Variants in SLC9A2 observed in about 807,000 individuals in gnomAD.
The protein encoded by SLC9A2 is solute carrier family 9 member A2.
A neutral mutation model predicts 71.7 loss-of-function variants in SLC9A2; 42 were observed. The ratio of observed to expected loss-of-function variants is 0.59; its 90% CI spans 0.46 to 0.76. The LOEUF (loss-of-function observed/expected upper bound fraction) is 0.76, where lower values mean the gene tolerates loss of function less well. Among genes scored for constraint, SLC9A2 ranks in the 30% least tolerant of loss-of-function variants. The pLI, the probability that SLC9A2 is intolerant of heterozygous loss-of-function variation, is 0.00. For missense variants in SLC9A2, 829 were observed against 1,017.4 expected, an observed-to-expected ratio of 0.81 and a Z score of 2.52; for synonymous variants, 396 against 392.5, an observed-to-expected ratio of 1.01 and a Z score of -0.10.
At chr2:102,694,365 T>G (rs776409138) in intron 5 of SLC9A2, 49 bp from the exon 6 acceptor site, 3 of 704,542 alleles carry the variant, frequency 4.3e-6, no homozygotes, top group Non-Finnish European at 6.3e-6. Flanking sequence ...AAACAATTTA[T>G]AAATTGTATA....
chr2:102,637,739 C>T (rs2192668), intron 1 of SLC9A2, among the ~76,000 whole-genome samples: 2,343 of 152,260 alleles, frequency 0.015, 71 homozygotes, highest in African/African-American at 0.052. Flanking sequence ...ACCCCTGGCC[C>T]GTGAGGAGAT....
At chr2:102,700,065 A>G (rs988424539) in intron 7 of SLC9A2, among the ~76,000 whole-genome samples, 4 of 152,172 alleles carry the variant, frequency 2.6e-5, no homozygotes, top group African/African-American at 9.7e-5. Context: ...AGCCCATAAC[A>G]TAGAACATGA....
intron 1 of SLC9A2, among the ~76,000 whole-genome samples, chr2:102,641,276 G>A (rs771378385): frequency 2.6e-5 from 4 of 152,100 alleles, no homozygotes; most frequent in Admixed American, 6.5e-5. Flanking sequence ...CAAACGCTCT[G>A]TAAACGTCTC....
chr2:102,678,612 G>T (rs752080170), intron 3 of SLC9A2, among the ~76,000 whole-genome samples: 3 of 152,200 alleles, frequency 2.0e-5, no homozygotes, highest in African/African-American at 4.8e-5. Flanking sequence ...GATGGAGGAA[G>T]AAATCTTATC....
chr2:102,643,418 T>C (rs1247818719), intron 1 of SLC9A2, among the ~76,000 whole-genome samples: 1 of 152,156 alleles, frequency 6.6e-6, no homozygotes, highest in Admixed American at 6.5e-5. Context: ...AGTTATTGTG[T>C]AAAACTTCTG....
intron 1 of SLC9A2, among the ~76,000 whole-genome samples, chr2:102,644,577 G>A (rs181318675): frequency 2.0e-5 from 3 of 152,290 alleles, no homozygotes; most frequent in Admixed American, 6.5e-5. Context: ...TGAAATTCTT[G>A]CTGCCAGCAC....
intron 3 of SLC9A2, among the ~76,000 whole-genome samples, chr2:102,667,197 A>G (rs1388687868): frequency 6.6e-6 from 1 of 152,184 alleles, no homozygotes; most frequent in Non-Finnish European, 1.5e-5. Flanking sequence ...TCTGGTTGCT[A>G]TTCATATCAT....
rs1366078659 is a variant in SLC9A2, at chr2:102,619,664, G to C, written c.-185G>C. The C allele has an allele frequency of 2.1e-6, 1 of 482,228 alleles. No individual in the cohort carries two copies. Among genetic ancestry groups the C allele is most frequent in the African/African-American group, 2.0e-5 (1 of 49,136 alleles). 29.9% of individuals were successfully genotyped at this position (482,228 alleles called of 1,614,324 possible). On this transcript the variant is annotated 5_prime_UTR_variant, in exon 1 of 12. Coordinates refer to ENST00000233969, the MANE Select transcript of SLC9A2 (RefSeq NM_003048.6). The surrounding 1 kb of genome is among the most constrained non-coding windows in gnomAD (Gnocchi z 4.3). Reference sequence around the variant, plus strand: ...CCCTGCACGTGCCTCGCCAGGCAGTGCGCCTGCTCGCAGCGAGGACCTAGC... The same window carrying C: ...CCCTGCACGTGCCTCGCCAGGCAGTCCGCCTGCTCGCAGCGAGGACCTAGC...
chr2:102,622,225 G>C (rs1676153856), intron 1 of SLC9A2, among the ~76,000 whole-genome samples: 1 of 152,188 alleles, frequency 6.6e-6, no homozygotes, highest in African/African-American at 2.4e-5. Flanking sequence ...CCTGTAGGGA[G>C]TGGCGGTATT....
At chr2:102,703,242 C>G (rs1373662458) in intron 9 of SLC9A2, among the ~76,000 whole-genome samples, 3 of 152,162 alleles carry the variant, frequency 2.0e-5, no homozygotes, top group African/African-American at 7.2e-5. Flanking sequence ...TAAAATGAAA[C>G]AAAACATTAG....
chr2:102,620,012 T>C lies in SLC9A2; in HGVS notation c.164T>C (p.Val55Ala). Residue 55 changes from valine to alanine, a missense_variant, in exon 1 of 12, where the codon GTG (valine) becomes GCG (alanine). This residue lies in a region of SLC9A2 where 106 missense variants were observed against 93.5 expected (regional missense o/e 1.13). Coordinates refer to ENST00000233969, the MANE Select transcript of SLC9A2 (RefSeq NM_003048.6). ...TSSSPPSPAS[V>A]VAPGTTLFEE... The stretch of plus-strand genomic sequence containing the variant: ...TCCAGCCCGCCTAGCCCTGCGAGCG[T>C]GGTGGCTCCCGGAACGACGCTGTTC... 1.2e-6 allele frequency: 2 copies of C among 1,614,024 alleles called. No individual in the cohort carries two copies. The highest frequency in any genetic ancestry group is 1.1e-5 in the South Asian group (1 of 91,058).
At chr2:102,676,234 C>A (rs6731896) in intron 3 of SLC9A2, among the ~76,000 whole-genome samples, 100,624 of 152,008 alleles carry the variant, frequency 0.66, 34,047 homozygotes, top group East Asian at 0.86. Flanking sequence ...GGAAAACCTT[C>A]ATTCCATCAT....
At chr2:102,637,036 G>A (rs1676480519) in intron 1 of SLC9A2, among the ~76,000 whole-genome samples, 1 of 152,196 alleles carries the variant, frequency 6.6e-6, no homozygotes, top group African/African-American at 2.4e-5. Flanking sequence ...AAGAAAAAGT[G>A]GAGGGCTTAG....
chr2:102,708,737 GA>G lies in SLC9A2; in HGVS notation c.*254del, dbSNP rs1174467605. 2 of 420,796 alleles carry G rather than the reference GA, an allele frequency of 4.8e-6. No individual in the cohort carries two copies. The highest frequency in any genetic ancestry group is 7.8e-5 in the East Asian group (2 of 25,792). The allele number at this position is 420,796 out of a possible 1,614,324, so 26.1% of individuals were successfully genotyped here. On this transcript the variant is annotated 3_prime_UTR_variant, in exon 12 of 12. Transcript: ENST00000233969. ...ATCGTATTATTTGCTGGCCTGAAGA[GA>G]AAAAATGGTAATGTGTGCCTTTATT...
chr2:102,648,144 A>G (rs1258609234), intron 1 of SLC9A2, among the ~76,000 whole-genome samples: 1 of 152,188 alleles, frequency 6.6e-6, no homozygotes, highest in African/African-American at 2.4e-5. Context: ...CTTATCCACC[A>G]CAATCAAGTT....
rs10687841 is a variant in SLC9A2 at position 102,670,849 on chromosome 2, C to CTTTTTT, written c.1004+5515_1004+5520dup. Reference sequence around the variant, plus strand: ...TTTGAGAAAAAAATAGGAAGGCATGCTTTTTTTTTTTTTTTTTTTTTGCCT... The same window carrying CTTTTTT: ...TTTGAGAAAAAAATAGGAAGGCATGCTTTTTTTTTTTTTTTTTTTTTTTTTTTGCCT... On this transcript the variant is annotated intron_variant, in intron 3 of 11. Coordinates refer to ENST00000233969, the MANE Select transcript of SLC9A2 (RefSeq NM_003048.6). Among the ~76,000 whole-genome samples the CTTTTTT allele has an allele frequency of 2.8e-3, 215 of 75,828 alleles. 4 individuals carry two copies. The highest frequency in any genetic ancestry group is 9.2e-3 in the East Asian group (18 of 1,956). 49.7% of individuals were successfully genotyped at this position (75,828 alleles called of 152,430 possible). A position where few individuals can be genotyped will look rare whatever the true frequency, so the allele number is the denominator to read the frequency against.
intron 7 of SLC9A2, among the ~76,000 whole-genome samples, chr2:102,698,572 G>A (rs1573434407): frequency 6.6e-6 from 1 of 152,226 alleles, no homozygotes; most frequent in South Asian, 2.1e-4. Context: ...GGCCAGGCTT[G>A]TTCATGTGCT....
At chr2:102,620,582 C>A (rs1178006688) in intron 1 of SLC9A2, among the ~76,000 whole-genome samples, 2 of 152,126 alleles carry the variant, frequency 1.3e-5, no homozygotes, top group Non-Finnish European at 2.9e-5. Context: ...CTGCTGTGCG[C>A]CTGACTAATG....
At chr2:102,687,723 C>A (rs546086012) in intron 5 of SLC9A2, among the ~76,000 whole-genome samples, 1 of 151,822 alleles carries the variant, frequency 6.6e-6, no homozygotes, top group South Asian at 2.1e-4. Flanking sequence ...TCTTAGCAAG[C>A]GATGTAGTCC....
Sources: allele counts gnomAD v4.1 joint callset (sites outside exome capture counted in the v4.1 genomes callset), GRCh38; gene constraint gnomAD v4.1.1; regional missense constraint gnomAD v4.1.1; non-coding constraint Gnocchi (gnomAD v3.1); transcripts MANE v1.5; gene names NCBI Gene and HGNC (gene_info 2026-07-23, HGNC 2026-07-21).